NCKAP5: variants seen among roughly 807,000 people sequenced by gnomAD.
The protein encoded by NCKAP5 is nck-associated protein 5.
Under a neutral mutation model 167.0 loss-of-function variants are expected in NCKAP5, and 92 were observed. The observed-to-expected ratio is 0.55, with a 90% CI of 0.47 to 0.66. The LOEUF (loss-of-function observed/expected upper bound fraction) is 0.66, where lower values mean the gene tolerates loss of function less well. Ranked by LOEUF, NCKAP5 falls within the 30% of genes least tolerant of loss-of-function variation. NCKAP5 has a pLI of 0.00. For synonymous variants in NCKAP5, 891 were observed against 877.4 expected, an observed-to-expected ratio of 1.02 and a Z score of -0.27; for missense variants, 2,378 against 2,315.0, an observed-to-expected ratio of 1.03 and a Z score of -0.56.
At chr2:133,591,026 A>G in the NCKAP5 span, among the ~76,000 whole-genome samples, 3 of 152,096 alleles carry the variant, frequency 2.0e-5, no homozygotes, top group Admixed American at 6.6e-5. Context: ...TACTGTATGT[A>G]TATGAGTGTG....
chr2:133,562,896 A>G, intron 1 of NCKAP5, among the ~76,000 whole-genome samples: 1 of 152,212 alleles, frequency 6.6e-6, no homozygotes, highest in South Asian at 2.1e-4. Flanking sequence ...TGTTCTATGT[A>G]TCTGAGAGAT....
intron 6 of NCKAP5, among the ~76,000 whole-genome samples, chr2:133,020,136 G>T (rs2078474949): frequency 6.6e-6 from 1 of 152,238 alleles, no homozygotes; most frequent in African/African-American, 2.4e-5. Context: ...CACATATTAA[G>T]TGCTGCTGTA....
chr2:133,349,563 C>T (rs1406681775), intron 3 of NCKAP5, among the ~76,000 whole-genome samples: 3 of 152,254 alleles, frequency 2.0e-5, no homozygotes, highest in Admixed American at 2.0e-4. Context: ...TCTTCTCCTT[C>T]CCTAGCACTG....
In NCKAP5 at chr2:133,027,472, G is replaced by A. The variant is rs150257345; in HGVS notation, c.342-33233C>T. On this transcript the variant is annotated intron_variant, in intron 6 of 19. Coordinates refer to ENST00000409261, the MANE Select transcript of NCKAP5 (RefSeq NM_207363.3). Reference sequence around the variant, plus strand: ...TCTCCCCAATAATTAGATGAAGCACGTGAGACAGGCAGGTCAAGTGACTAG... The same window carrying A: ...TCTCCCCAATAATTAGATGAAGCACATGAGACAGGCAGGTCAAGTGACTAG... 1.2e-4 allele frequency among the ~76,000 whole-genome samples: 18 copies of A among 152,272 alleles called. 1 individual carries two copies. The highest frequency in any genetic ancestry group is 6.2e-4 in the South Asian group (3 of 4,816).
At chr2:133,072,119 T>C (rs368698972) in intron 6 of NCKAP5, among the ~76,000 whole-genome samples, 2 of 151,636 alleles carry the variant, frequency 1.3e-5, no homozygotes, top group African/African-American at 4.9e-5. Flanking sequence ...AGTTTCACTC[T>C]TGTTGCCCAG....
At chr2:132,915,964 T>C (rs1694841993) in intron 8 of NCKAP5, among the ~76,000 whole-genome samples, 1 of 151,960 alleles carries the variant, frequency 6.6e-6, no homozygotes, top group African/African-American at 2.4e-5. Flanking sequence ...TTATCACACA[T>C]CCATACAATG....
intron 8 of NCKAP5, among the ~76,000 whole-genome samples, chr2:132,901,727 G>A (rs1308362593): frequency 1.3e-5 from 2 of 152,166 alleles, no homozygotes; most frequent in South Asian, 4.1e-4. Context: ...GATTTTGGGG[G>A]ATTATCAAGA....
At chr2:133,158,636 A>G (rs891040864) in intron 5 of NCKAP5, among the ~76,000 whole-genome samples, 1 of 152,142 alleles carries the variant, frequency 6.6e-6, no homozygotes, top group East Asian at 1.9e-4. Flanking sequence ...TACATAACCC[A>G]TTACCTCATT....
At chr2:132,819,908 C>T (rs182937627) in intron 11 of NCKAP5, among the ~76,000 whole-genome samples, 55 of 152,244 alleles carry the variant, frequency 3.6e-4, no homozygotes, top group African/African-American at 1.3e-3. Flanking sequence ...AAAGCAAAAG[C>T]GTTTTGCATC....
chr2:133,412,606 G>A (rs1214948580), intron 3 of NCKAP5, among the ~76,000 whole-genome samples: 2 of 152,072 alleles, frequency 1.3e-5, no homozygotes, highest in Non-Finnish European at 1.5e-5. Flanking sequence ...GACTTTGAAG[G>A]CAACAAGACA....
intron 6 of NCKAP5, among the ~76,000 whole-genome samples, chr2:133,020,556 C>T (rs1393559492): frequency 6.6e-6 from 1 of 152,222 alleles, no homozygotes. Context: ...ACAGTAGCAT[C>T]CACAGAGGAA....
chr2:132,836,594 T>C (rs1193213437), intron 11 of NCKAP5, among the ~76,000 whole-genome samples: 1 of 152,120 alleles, frequency 6.6e-6, no homozygotes, highest in Non-Finnish European at 1.5e-5. Flanking sequence ...TGGTATTTGG[T>C]TACGTAAGTT....
At chr2:132,841,090 C>T (rs1457492435) in intron 11 of NCKAP5, among the ~76,000 whole-genome samples, 3 of 152,062 alleles carry the variant, frequency 2.0e-5, no homozygotes, top group Non-Finnish European at 1.5e-5. Context: ...TTTTCTATTG[C>T]CATTCCAACA....
the NCKAP5 span, among the ~76,000 whole-genome samples, chr2:133,669,053 G>A: frequency 1.0e-3 from 156 of 152,210 alleles, 1 homozygote; most frequent in African/African-American, 3.6e-3. Context: ...TTGCTAGGCT[G>A]GTTGAAATTC....
At chr2:133,242,119 CA>C (rs1176776551) in intron 4 of NCKAP5, among the ~76,000 whole-genome samples, 3,360 of 48,252 alleles carry the variant, frequency 0.07, 22 homozygotes, top group African/African-American at 0.15. Context: ...AACTCTGTCT[CA>C]AAAAAAAAAA....
At chr2:133,326,148 G>T (rs1682421372) in intron 3 of NCKAP5, among the ~76,000 whole-genome samples, 1 of 152,094 alleles carries the variant, frequency 6.6e-6, no homozygotes, top group African/African-American at 2.4e-5. Flanking sequence ...CAACCCCTTA[G>T]GATATCCTTG....
At chr2:133,575,413 C>G in the NCKAP5 span, among the ~76,000 whole-genome samples, 1 of 152,190 alleles carries the variant, frequency 6.6e-6, no homozygotes, top group East Asian at 1.9e-4. Context: ...TCAGTTGCCA[C>G]TTATTATTTT....
At chr2:133,215,224 CT>C (rs1440534509) in intron 4 of NCKAP5, among the ~76,000 whole-genome samples, 3 of 152,100 alleles carry the variant, frequency 2.0e-5, no homozygotes, top group Admixed American at 1.3e-4. Flanking sequence ...TGTGTGTTCT[CT>C]GACTCAAGTT....
rs116175780 is a variant in NCKAP5, at chr2:132,956,349, C to T, written c.579+7371G>A. Among the ~76,000 whole-genome samples, 1,208 of 152,282 alleles carry T rather than the reference C, an allele frequency of 7.9e-3. 10 individuals carry two copies. Among genetic ancestry groups the T allele is most frequent in the Middle Eastern group, 0.02 (6 of 294 alleles). On this transcript the variant is annotated intron_variant, in intron 8 of 19. Coordinates refer to ENST00000409261, the MANE Select transcript of NCKAP5 (RefSeq NM_207363.3). ...TCTGTGGTTCTCAATCCTGGCTGTG[C>T]ATCTGAATAATCCACAGAGTTTCAG...
Sources: gnomAD v4.1 joint callset for allele counts (sites outside exome capture counted in the v4.1 genomes callset) on GRCh38, gnomAD v4.1.1 for gene constraint, MANE v1.5 for transcripts, NCBI Gene and HGNC (gene_info 2026-07-23, HGNC 2026-07-21) for gene names.